The following NCOA2 variants were observed in gnomAD, a reference collection of about 807,000 sequenced individuals.
NCOA2 encodes class E basic helix-loop-helix protein 75.
NCOA2 carries 21 observed loss-of-function variants against 145.1 expected under a neutral mutation model. The ratio of observed to expected loss-of-function variants is 0.14; its 90% CI spans 0.10 to 0.21. NCOA2 has a LOEUF of 0.21. NCOA2 is among the 10% of genes least tolerant of loss of function. The pLI is 1.00. For synonymous variants in NCOA2, 619 were observed against 637.5 expected, an observed-to-expected ratio of 0.97 and a Z score of 0.44; for missense variants, 1,472 against 1,837.6, an observed-to-expected ratio of 0.80 and a Z score of 3.64.
chr8:70,381,635 C>A (rs554126704), intron 1 of NCOA2, among the ~76,000 whole-genome samples: 14 of 152,206 alleles, frequency 9.2e-5, no homozygotes, highest in Non-Finnish European at 5.9e-5. Context: ...AATAATATTT[C>A]TTTTGTTATT....
chr8:70,378,495 C>G (rs931957549), intron 1 of NCOA2, among the ~76,000 whole-genome samples: 9 of 149,098 alleles, frequency 6.0e-5, no homozygotes, highest in African/African-American at 2.2e-4. Context: ...ATGCAAAATG[C>G]AGGGAAGGGG....
At chr8:70,342,665 T>C (rs1341170784) in intron 1 of NCOA2, among the ~76,000 whole-genome samples, 1 of 151,782 alleles carries the variant, frequency 6.6e-6, no homozygotes, top group Non-Finnish European at 1.5e-5. Flanking sequence ...ATGCACTAGA[T>C]ATTGCAGGAG....
At chr8:70,318,763 A>G (rs1805816997) in intron 1 of NCOA2, among the ~76,000 whole-genome samples, 1 of 152,172 alleles carries the variant, frequency 6.6e-6, no homozygotes, top group South Asian at 2.1e-4. Context: ...ACCCTGTCTC[A>G]AAAGAAAAAA....
At chr8:70,253,457 G>A (rs115284540) in intron 2 of NCOA2, among the ~76,000 whole-genome samples, 1,831 of 152,180 alleles carry the variant, frequency 0.012, 50 homozygotes, top group African/African-American at 0.042. Flanking sequence ...GAGTAGAAAT[G>A]TATCAAAAAT....
At chr8:70,198,848 A>G (rs763866985) in intron 4 of NCOA2, among the ~76,000 whole-genome samples, 1 of 152,120 alleles carries the variant, frequency 6.6e-6, no homozygotes, top group Non-Finnish European at 1.5e-5. Context: ...CAGAGGAGAA[A>G]ACGGGTTTGG....
At chr8:70,250,523 T>C (rs1027886673) in intron 2 of NCOA2, among the ~76,000 whole-genome samples, 1 of 151,942 alleles carries the variant, frequency 6.6e-6, no homozygotes, top group Non-Finnish European at 1.5e-5. Flanking sequence ...TGAGCTGAGA[T>C]TGTGCCACTG....
At chr8:70,229,514 G>C (rs1249013886) in intron 2 of NCOA2, among the ~76,000 whole-genome samples, 2 of 152,148 alleles carry the variant, frequency 1.3e-5, no homozygotes, top group African/African-American at 2.4e-5. Flanking sequence ...GCACCAAAGT[G>C]GTACAGTTAC....
chr8:70,330,193 T>C (rs940872630), intron 1 of NCOA2, among the ~76,000 whole-genome samples: 9 of 140,638 alleles, frequency 6.4e-5, no homozygotes, highest in African/African-American at 2.6e-4. Context: ...AAACACTCAA[T>C]AAATGATGAT....
intron 1 of NCOA2, among the ~76,000 whole-genome samples, chr8:70,361,908 T>C (rs1049911566): frequency 5.9e-5 from 9 of 152,224 alleles, no homozygotes; most frequent in African/African-American, 2.2e-4. Context: ...ATGGTAACTT[T>C]TGGAAAATCC....
the NCOA2 span, among the ~76,000 whole-genome samples, chr8:70,436,216 C>T: frequency 3.3e-5 from 5 of 152,066 alleles, no homozygotes; most frequent in African/African-American, 1.2e-4. Context: ...AATGCCCAGA[C>T]GTTGATTATT....
chr8:70,260,208 C>A (rs543784438), intron 2 of NCOA2, among the ~76,000 whole-genome samples: 11 of 152,134 alleles, frequency 7.2e-5, no homozygotes, highest in Non-Finnish European at 1.5e-4. Flanking sequence ...GACAGGGTCT[C>A]GGTCTGTCGC....
chr8:70,124,675 G>A lies in NCOA2; in HGVS notation c.4094+13C>T. The A allele has an allele frequency of 6.3e-7, 1 of 1,593,268 alleles. No individual in the cohort carries two copies. Among genetic ancestry groups the A allele is most frequent in the Non-Finnish European group, 8.5e-7 (1 of 1,169,856 alleles). On this transcript the variant is annotated intron_variant, in intron 20 of 22. Coordinates refer to ENST00000452400, the MANE Select transcript of NCOA2 (RefSeq NM_006540.4). ...ACAGTGGCGGTATGAAAAGGAGAAGGATTTGCGGTTACCTGTTTCCGCCCA... is the reference window on the plus strand; with the variant it reads ...ACAGTGGCGGTATGAAAAGGAGAAGAATTTGCGGTTACCTGTTTCCGCCCA...
chr8:70,251,288 A>G (rs1823150033), intron 2 of NCOA2, among the ~76,000 whole-genome samples: 2 of 152,208 alleles, frequency 1.3e-5, no homozygotes, highest in Non-Finnish European at 2.9e-5. Flanking sequence ...CTATGATACT[A>G]CTGCAGTAGA....
Position 70,124,091 on chromosome 8 carries a change from C to T in NCOA2, c.4095-9G>A. On this transcript the variant is annotated splice_polypyrimidine_tract_variant and intron_variant, in intron 20 of 22. Transcript: ENST00000452400. The stretch of plus-strand genomic sequence containing the variant: ...ACTGCTGGGAAAACATGCTGGAATA[C>T]AATGGAAAGATTGAATGAATGTTAC... The T allele has an allele frequency of 1.9e-6, 3 of 1,610,496 alleles. No homozygotes were observed. The highest frequency in any genetic ancestry group is 2.5e-6 in the Non-Finnish European group (3 of 1,177,626).
At chr8:70,400,559 AAT>A (rs1814139572) in intron 1 of NCOA2, among the ~76,000 whole-genome samples, 2 of 152,136 alleles carry the variant, frequency 1.3e-5, no homozygotes, top group Admixed American at 1.3e-4. Flanking sequence ...TAAATTAACA[AAT>A]GGTGGGGGGT....
intron 9 of NCOA2, among the ~76,000 whole-genome samples, chr8:70,160,830 C>CA (rs1812904003): frequency 6.6e-6 from 1 of 152,144 alleles, no homozygotes. Flanking sequence ...AACTGTTGCA[C>CA]AATGTTAGTC....
intron 2 of NCOA2, among the ~76,000 whole-genome samples, chr8:70,247,011 C>T (rs1357456947): frequency 2.0e-5 from 3 of 152,056 alleles, no homozygotes. Context: ...GTTATCTATA[C>T]AAAAAATTCT....
intron 21 of NCOA2, among the ~76,000 whole-genome samples, chr8:70,121,895 A>C (rs1466493399): frequency 6.6e-6 from 1 of 152,256 alleles, no homozygotes; most frequent in Non-Finnish European, 1.5e-5. Context: ...TTCTTTACAC[A>C]TTAGAAAGTA....
In NCOA2 at chr8:70,156,719, C is replaced by G; in HGVS notation, c.1646G>C (p.Gly549Ala). The G allele has an allele frequency of 2.5e-6, 4 of 1,613,918 alleles. 1 individual carries two copies. The South Asian group carries it at 4.4e-5, about 18-fold the overall frequency. ...TAGGTCTGGTGAAGCCAACGATGAC[C>G]CTAATGAGACCCCGTGCCCCTCGCT... ...ALSEGHGVSL[G>A]SSLASPDLKM... The change falls in exon 11 of 23, where the codon GGG becomes GCG. Residue 549 changes from glycine to alanine, a missense_variant. By Grantham distance (60) the Gly-to-Ala change is moderately conservative. Around this residue, in one of 4 missense-constraint regions of NCOA2, gnomAD observed 953 missense variants for 1,062.1 expected, o/e 0.90. Coordinates refer to ENST00000452400, the MANE Select transcript of NCOA2 (RefSeq NM_006540.4).
Sources: gnomAD v4.1 joint callset for allele counts (sites outside exome capture counted in the v4.1 genomes callset) on GRCh38, gnomAD v4.1.1 for gene constraint, gnomAD v4.1.1 regional missense constraint, MANE v1.5 for transcripts, NCBI Gene and HGNC (gene_info 2026-07-23, HGNC 2026-07-21) for gene names.